BMPR1B: variants seen among roughly 807,000 people sequenced by gnomAD.
The protein encoded by BMPR1B is bone morphogenetic protein receptor type 1B.
Under a neutral mutation model 59.1 loss-of-function variants are expected in BMPR1B, and 12 were observed. That is an observed-to-expected ratio of 0.20 (90% CI 0.13 to 0.33). The LOEUF (loss-of-function observed/expected upper bound fraction) is 0.33. Among genes scored for constraint, BMPR1B ranks in the 10% least tolerant of loss-of-function variants. BMPR1B has a pLI of 1.00. For missense variants in BMPR1B, 550 were observed against 610.9 expected, an observed-to-expected ratio of 0.90 and a Z score of 1.05; for synonymous variants, 237 against 207.3, an observed-to-expected ratio of 1.14 and a Z score of -1.23.
chr4:95,158,063 G>A lies in BMPR1B; in HGVS notation c.*3390G>A, dbSNP rs1735538952. ...ATTCTTCTTTGTTTGTGGGTGGAAC[G>A]GCACTGAGAGAAGTATAGTTTTTTA... On this transcript the variant is annotated 3_prime_UTR_variant, in exon 13 of 13. Coordinates refer to ENST00000515059, the MANE Select transcript of BMPR1B (RefSeq NM_001203.3). 1 of 152,220 alleles carries A rather than the reference G, an allele frequency of 6.6e-6. No homozygotes were observed. Among genetic ancestry groups the A allele is most frequent in the African/African-American group, 2.4e-5 (1 of 41,542 alleles). 9.4% of individuals were successfully genotyped at this position (152,220 alleles called of 1,614,324 possible). A position where few individuals can be genotyped will look rare whatever the true frequency, so the allele number is the denominator to read the frequency against.
At chr4:95,103,493 T>A in intron 3 of BMPR1B, 1 of 985,308 alleles carries the variant, frequency 1.0e-6, no homozygotes, top group Non-Finnish European at 1.2e-6. Context: ...TAAGAGCTCT[T>A]ACCACAACGC....
At chr4:95,017,227 T>G (rs1723644238) in intron 3 of BMPR1B, among the ~76,000 whole-genome samples, 1 of 152,206 alleles carries the variant, frequency 6.6e-6, no homozygotes, top group Admixed American at 6.5e-5. Context: ...TCAATATTGT[T>G]CTTTTCAGTT....
chr4:94,951,729 T>G (rs1560564435), intron 2 of BMPR1B, among the ~76,000 whole-genome samples: 2 of 152,178 alleles, frequency 1.3e-5, no homozygotes, highest in African/African-American at 2.4e-5. Context: ...CTTTTTTTGT[T>G]GTGTCTCTAC....
chr4:94,799,133 A>G lies in BMPR1B; in HGVS notation c.-183+41065A>G, dbSNP rs1723302054. On this transcript the variant is annotated intron_variant, in intron 1 of 12. Transcript: ENST00000515059. The stretch of plus-strand genomic sequence containing the variant: ...CCTCATAGTATACTTCTGGAATGTA[A>G]TTTTTCAATGCAGCCTCCCCCTCAT... 2.7e-5 allele frequency among the ~76,000 whole-genome samples: 4 copies of G among 147,210 alleles called. 1 individual carries two copies. In the Admixed American group the frequency reaches 2.8e-4, roughly 10 times the overall value.
chr4:94,981,053 T>C (rs983319362), intron 2 of BMPR1B, among the ~76,000 whole-genome samples: 7 of 151,448 alleles, frequency 4.6e-5, no homozygotes, highest in Non-Finnish European at 1.0e-4. Context: ...TTAACTCATA[T>C]ACAGTGAATT....
chr4:94,916,655 A>G (rs1306675387), intron 2 of BMPR1B, among the ~76,000 whole-genome samples: 3 of 152,256 alleles, frequency 2.0e-5, no homozygotes, highest in Admixed American at 1.3e-4. Context: ...CAGGAAGCAG[A>G]GCATAAAAGT....
chr4:95,011,801 C>G (rs537318413), intron 3 of BMPR1B, among the ~76,000 whole-genome samples: 2 of 152,010 alleles, frequency 1.3e-5, no homozygotes, highest in African/African-American at 4.8e-5. Context: ...GGTGGATCAT[C>G]TGAGGTTGGG....
chr4:94,906,466 A>G (rs1728045539), intron 2 of BMPR1B, among the ~76,000 whole-genome samples: 1 of 152,070 alleles, frequency 6.6e-6, no homozygotes, highest in Admixed American at 6.6e-5. Flanking sequence ...AAGTAAAAAC[A>G]TTTTATGACT....
intron 1 of BMPR1B, among the ~76,000 whole-genome samples, chr4:94,794,586 T>C (rs931501266): frequency 4.1e-4 from 58 of 142,010 alleles, no homozygotes; most frequent in Admixed American, 3.9e-3. Flanking sequence ...GGGGATGGCA[T>C]TGAATCTGTA....
intron 2 of BMPR1B, among the ~76,000 whole-genome samples, chr4:94,892,440 C>A (rs72669099): frequency 0.18 from 27,014 of 151,966 alleles, 2,522 homozygotes; most frequent in South Asian, 0.22. Context: ...TTTATCTGAT[C>A]TCATAGTTGA....
At chr4:94,831,689 T>TC (rs1450915023) in intron 1 of BMPR1B, among the ~76,000 whole-genome samples, 5 of 152,126 alleles carry the variant, frequency 3.3e-5, no homozygotes, top group Non-Finnish European at 5.9e-5. Context: ...ACAGCAGGGA[T>TC]CCCCAGCCCC....
chr4:94,819,269 G>A (rs1724120263), intron 1 of BMPR1B, among the ~76,000 whole-genome samples: 1 of 152,062 alleles, frequency 6.6e-6, no homozygotes. Context: ...CCTAAAGGGA[G>A]AAAGCTCCAA....
intron 11 of BMPR1B, among the ~76,000 whole-genome samples, chr4:95,151,293 G>T (rs192721818): frequency 6.6e-6 from 1 of 152,324 alleles, no homozygotes; most frequent in Non-Finnish European, 1.5e-5. Context: ...GCCTTCGTCT[G>T]TTGTAGTAGA....
chr4:95,001,093 G>C (rs1322916148), intron 3 of BMPR1B, among the ~76,000 whole-genome samples: 1 of 152,020 alleles, frequency 6.6e-6, no homozygotes, highest in East Asian at 1.9e-4. Context: ...TAATTATAAG[G>C]CCAGTATTTT....
chr4:94,864,394 A>G (rs1434551200), intron 1 of BMPR1B, among the ~76,000 whole-genome samples: 1 of 152,164 alleles, frequency 6.6e-6, no homozygotes, highest in Non-Finnish European at 1.5e-5. Context: ...TGACATCAAG[A>G]TAGTATTTAG....
chr4:95,003,004 A>C (rs1348656577), intron 3 of BMPR1B, among the ~76,000 whole-genome samples: 1 of 151,914 alleles, frequency 6.6e-6, no homozygotes, highest in Admixed American at 6.6e-5. Flanking sequence ...TTTAAAAAAA[A>C]ATTAAAGGAT....
chr4:94,854,719 G>A (rs757677028), intron 1 of BMPR1B, among the ~76,000 whole-genome samples: 3 of 152,104 alleles, frequency 2.0e-5, no homozygotes, highest in Non-Finnish European at 4.4e-5. Flanking sequence ...CTGTATTGCA[G>A]TAAACCTAGC....
chr4:95,152,898 A>G, intron 12 of BMPR1B, 125 bp downstream of exon 12: 2 of 1,198,952 alleles, frequency 1.7e-6, no homozygotes, highest in Non-Finnish European at 2.4e-6. Context: ...ATGGCGCCTC[A>G]TTGCAGTAAT....
At chr4:95,023,967 G>A (rs1724175199) in intron 3 of BMPR1B, among the ~76,000 whole-genome samples, 1 of 152,092 alleles carries the variant, frequency 6.6e-6, no homozygotes, top group Non-Finnish European at 1.5e-5. Flanking sequence ...GAGGGATTAG[G>A]TGACCTACTC....
Sources: allele counts gnomAD v4.1 joint callset (sites outside exome capture counted in the v4.1 genomes callset), GRCh38; gene constraint gnomAD v4.1.1; transcripts MANE v1.5; gene names NCBI Gene and HGNC (gene_info 2026-07-23, HGNC 2026-07-21).